Variants in PELI1 observed in about 807,000 individuals in gnomAD.
The protein encoded by PELI1 is E3 ubiquitin-protein ligase pellino homolog 1.
Under a neutral mutation model 41.3 loss-of-function variants are expected in PELI1, and 15 were observed. That is an observed-to-expected ratio of 0.36 (90% CI 0.24 to 0.56). The LOEUF (loss-of-function observed/expected upper bound fraction) is 0.56, where lower values mean the gene tolerates loss of function less well. Ranked by LOEUF, PELI1 falls within the 20% of genes least tolerant of loss-of-function variation. The pLI, the probability that PELI1 is intolerant of heterozygous loss-of-function variation, is 0.82. For missense variants in PELI1, 403 were observed against 525.5 expected (o/e 0.77, Z 2.28); for synonymous variants, 178 against 180.1 (o/e 0.99, Z 0.09).
chr2:64,097,845 T>C, intron 4 of PELI1, among the ~76,000 whole-genome samples: 1 of 152,228 alleles, frequency 6.6e-6, no homozygotes, highest in African/African-American at 2.4e-5. Context: ...TTATTTAGAT[T>C]GGATAGTTTT....
At chr2:64,136,095 G>C (rs1169309140) in intron 1 of PELI1, among the ~76,000 whole-genome samples, 1 of 151,966 alleles carries the variant, frequency 6.6e-6, no homozygotes, top group African/African-American at 2.4e-5. Context: ...GATCTTACCA[G>C]CAAATCAACA....
At chr2:64,109,079 C>CT (rs1680715478) in intron 1 of PELI1, among the ~76,000 whole-genome samples, 1 of 152,208 alleles carries the variant, frequency 6.6e-6, no homozygotes, top group African/African-American at 2.4e-5. Flanking sequence ...GGAGCCAGGA[C>CT]TTTCACCCTG....
chr2:64,095,974 A>T, intron 6 of PELI1, 151 bp downstream of exon 6: 1 of 624,204 alleles, frequency 1.6e-6, no homozygotes, highest in Non-Finnish European at 2.8e-6. Flanking sequence ...ACTGTCCTCT[A>T]GTATAGAATT....
At chr2:64,107,426 T>C (rs557205937) in intron 2 of PELI1, among the ~76,000 whole-genome samples, 2 of 152,342 alleles carry the variant, frequency 1.3e-5, no homozygotes, top group African/African-American at 4.8e-5. Flanking sequence ...AGCTAAGAAG[T>C]AGCTAGGTCC....
chr2:64,106,158 C>T (rs1680614856), intron 2 of PELI1: 1 of 152,264 alleles, frequency 6.6e-6, no homozygotes, highest in African/African-American at 2.4e-5. Flanking sequence ...CTGTCGATTC[C>T]TCACTGCCCC....
At chr2:64,114,930 T>C (rs1680941716) in intron 1 of PELI1, among the ~76,000 whole-genome samples, 1 of 152,182 alleles carries the variant, frequency 6.6e-6, no homozygotes, top group Non-Finnish European at 1.5e-5. Context: ...TTTGGCATAC[T>C]TCTTGGCACA....
intron 4 of PELI1, among the ~76,000 whole-genome samples, chr2:64,097,944 G>T (rs1239882830): frequency 6.6e-6 from 1 of 151,922 alleles, no homozygotes; most frequent in Admixed American, 6.6e-5. Context: ...TCAGATCTTT[G>T]AAACAAAAAA....
chr2:64,106,736 G>A (rs750834901), intron 2 of PELI1, among the ~76,000 whole-genome samples: 1 of 152,104 alleles, frequency 6.6e-6, no homozygotes, highest in Non-Finnish European at 1.5e-5. Context: ...AACAAGCACC[G>A]GATTCTAGGA....
intron 1 of PELI1, among the ~76,000 whole-genome samples, chr2:64,142,866 A>C (rs1380145122): frequency 6.6e-6 from 1 of 152,234 alleles, no homozygotes; most frequent in Non-Finnish European, 1.5e-5. Context: ...ACAAAAGATC[A>C]TGTGCAATGA....
chr2:64,110,459 C>G (rs1298068967), intron 1 of PELI1, among the ~76,000 whole-genome samples: 1 of 151,972 alleles, frequency 6.6e-6, no homozygotes, highest in East Asian at 1.9e-4. Context: ...AATTTGTTAC[C>G]AGCAGACCCA....
intron 1 of PELI1, among the ~76,000 whole-genome samples, chr2:64,126,811 A>G (rs1447132732): frequency 2.0e-5 from 3 of 152,176 alleles, no homozygotes; most frequent in African/African-American, 4.8e-5. Flanking sequence ...AAGTGAAAAA[A>G]AAAAACCAGT....
intron 1 of PELI1, among the ~76,000 whole-genome samples, chr2:64,125,237 G>A (rs1364112474): frequency 6.6e-6 from 1 of 152,088 alleles, no homozygotes; most frequent in South Asian, 2.1e-4. Flanking sequence ...TGAGACAAAA[G>A]TCCCAACCCT....
intron 1 of PELI1, among the ~76,000 whole-genome samples, chr2:64,139,780 C>G (rs1476410865): frequency 1.3e-5 from 2 of 152,210 alleles, no homozygotes; most frequent in Non-Finnish European, 2.9e-5. Flanking sequence ...CGCTCACCAA[C>G]AGCAGAAATT....
At chr2:64,101,829 T>A (rs1680444815) in intron 3 of PELI1, among the ~76,000 whole-genome samples, 1 of 148,724 alleles carries the variant, frequency 6.7e-6, no homozygotes, top group East Asian at 2.0e-4. Context: ...TTCTGATTTT[T>A]TTTTTTTTTT....
At chr2:64,114,828 C>A (rs1226927019) in intron 1 of PELI1, among the ~76,000 whole-genome samples, 1 of 152,172 alleles carries the variant, frequency 6.6e-6, no homozygotes, top group Non-Finnish European at 1.5e-5. Flanking sequence ...AACTTCCTAT[C>A]TCCCCACTAC....
At chr2:64,136,252 C>T (rs1681713813) in intron 1 of PELI1, among the ~76,000 whole-genome samples, 1 of 151,810 alleles carries the variant, frequency 6.6e-6, no homozygotes, top group African/African-American at 2.4e-5. Flanking sequence ...ATGGAAAGCC[C>T]AGGAATTAAA....
At chr2:64,109,423 G>A (rs1680731241) in intron 1 of PELI1, among the ~76,000 whole-genome samples, 1 of 152,256 alleles carries the variant, frequency 6.6e-6, no homozygotes, top group African/African-American at 2.4e-5. Flanking sequence ...GTTCACGCCT[G>A]TAATCCCAGC....
In PELI1 at chr2:64,132,923, T is replaced by C. The variant is rs115948095; in HGVS notation, c.-70+11158A>G. ...CATTATAATATGATCCTTAGGTAAT[T>C]TGTATAATACATTAATGAAAAACAC... On this transcript the variant is annotated intron_variant, in intron 1 of 6. Transcript: ENST00000358912. 4.6e-3 allele frequency among the ~76,000 whole-genome samples: 704 copies of C among 152,268 alleles called. 12 individuals carry two copies. Among genetic ancestry groups the C allele is most frequent in the African/African-American group, 0.016 (646 of 41,552 alleles).
chr2:64,141,526 A>G (rs1326003106), intron 1 of PELI1, among the ~76,000 whole-genome samples: 2 of 152,174 alleles, frequency 1.3e-5, no homozygotes, highest in Non-Finnish European at 2.9e-5. Context: ...AATCTTTATC[A>G]GCTATAGAAG....
Sources: allele counts gnomAD v4.1 joint callset (sites outside exome capture counted in the v4.1 genomes callset), GRCh38; gene constraint gnomAD v4.1.1; transcripts MANE v1.5; gene names NCBI Gene and HGNC (gene_info 2026-07-23, HGNC 2026-07-21).